The following SGCD variants were observed in gnomAD, a reference collection of about 807,000 sequenced individuals.
SGCD encodes sarcoglycan delta, also known as delta-sarcoglycan.
Under a neutral mutation model 36.6 loss-of-function variants are expected in SGCD, and 18 were observed. The ratio of observed to expected loss-of-function variants is 0.49; its 90% CI spans 0.34 to 0.73. The LOEUF is 0.73. Ranked by LOEUF, SGCD falls within the 30% of genes least tolerant of loss-of-function variation. SGCD has a pLI of 0.01. For missense variants in SGCD, 387 were observed against 346.7 expected (o/e 1.12, Z -0.92); for synonymous variants, 133 against 130.6 (o/e 1.02, Z -0.12).
Position 156,614,049 on chromosome 5 carries a change from C to T in SGCD, c.502+18998C>T, listed in dbSNP as rs754184440. Among the ~76,000 whole-genome samples the T allele has an allele frequency of 3.9e-5, 6 of 152,218 alleles. No individual in the cohort carries two copies. In the East Asian group the frequency reaches 9.7e-4, roughly 25 times the overall value. On this transcript the variant is annotated intron_variant, in intron 6 of 8. Transcript: ENST00000337851. ...GCAACCTTTGCCTCCCAGATTCAAG[C>T]GATTCTTGTGCCTCAGCCTCCTGAG...
At chr5:156,364,064 G>A (rs1024391180) in intron 3 of SGCD, among the ~76,000 whole-genome samples, 1 of 152,148 alleles carries the variant, frequency 6.6e-6, no homozygotes, top group Non-Finnish European at 1.5e-5. Flanking sequence ...GGGAGGTATG[G>A]GCAGCAGAGT....
At chr5:156,627,483 G>T (rs984357321) in intron 6 of SGCD, among the ~76,000 whole-genome samples, 9 of 152,072 alleles carry the variant, frequency 5.9e-5, no homozygotes, top group African/African-American at 2.2e-4. Context: ...AGATTAAAAG[G>T]GAGTCTTTAT....
the SGCD span, among the ~76,000 whole-genome samples, chr5:155,752,561 A>G: frequency 1.3e-4 from 20 of 152,192 alleles, 1 homozygote; most frequent in African/African-American, 4.8e-4. Context: ...CCTTCCAGTT[A>G]CTTCCCCATT....
At chr5:156,075,340 TAA>T (rs1167139020) in intron 1 of SGCD, among the ~76,000 whole-genome samples, 1 of 151,896 alleles carries the variant, frequency 6.6e-6, no homozygotes, top group Non-Finnish European at 1.5e-5. Flanking sequence ...TGAAAAAACT[TAA>T]AAGAGTAAAA....
At chr5:156,608,782 C>G (rs1761619903) in intron 6 of SGCD, among the ~76,000 whole-genome samples, 9 of 152,060 alleles carry the variant, frequency 5.9e-5, no homozygotes, top group Admixed American at 5.9e-4. Flanking sequence ...TGAATTGATC[C>G]CTTTACCATT....
intron 7 of SGCD, among the ~76,000 whole-genome samples, chr5:156,652,284 A>G (rs1472692330): frequency 1.3e-5 from 2 of 151,852 alleles, no homozygotes; most frequent in Non-Finnish European, 2.9e-5. Context: ...AGTCTGAGAC[A>G]AGCCTGGACA....
intron 3 of SGCD, among the ~76,000 whole-genome samples, chr5:156,320,022 T>G (rs182985880): frequency 2.6e-5 from 4 of 152,292 alleles, no homozygotes; most frequent in Non-Finnish European, 5.9e-5. Context: ...CTTTCACATA[T>G]CTAATAAACC....
chr5:156,648,439 G>T (rs1489062151), intron 7 of SGCD, among the ~76,000 whole-genome samples: 1 of 152,042 alleles, frequency 6.6e-6, no homozygotes, highest in Non-Finnish European at 1.5e-5. Context: ...TGCTTAAAAA[G>T]CAAGAGCCAT....
At chr5:156,674,297 G>A (rs998735641) in intron 7 of SGCD, among the ~76,000 whole-genome samples, 31 of 152,260 alleles carry the variant, frequency 2.0e-4, no homozygotes, top group African/African-American at 7.0e-4. Context: ...TCTCTTCCCC[G>A]TTACATATAA....
At chr5:155,885,728 C>T (rs1561638119) in intron 1 of SGCD, among the ~76,000 whole-genome samples, 1 of 152,184 alleles carries the variant, frequency 6.6e-6, no homozygotes, top group Non-Finnish European at 1.5e-5. Flanking sequence ...ATTAGCTTTT[C>T]AAAATCAATG....
chr5:155,904,179 A>G lies in SGCD; in HGVS notation c.-282+33755A>G, dbSNP rs529332175. Among the ~76,000 whole-genome samples the G allele has an allele frequency of 3.9e-5, 6 of 152,296 alleles. No individual in the cohort carries two copies. The East Asian group carries it at 1.2e-3, about 29-fold the overall frequency. ...TCACAAGAGGAGAAGGTTTCCAAAAACATGCTGATATATTGCTGTAGCTGT... is the reference window on the plus strand; with the variant it reads ...TCACAAGAGGAGAAGGTTTCCAAAAGCATGCTGATATATTGCTGTAGCTGT... On this transcript the variant is annotated intron_variant, in intron 1 of 9. Coordinates refer to the SGCD transcript ENST00000517913.
intron 3 of SGCD, among the ~76,000 whole-genome samples, chr5:156,259,943 A>C (rs547968757): frequency 6.6e-6 from 1 of 152,176 alleles, no homozygotes; most frequent in Non-Finnish European, 1.5e-5. Flanking sequence ...CCACAGCTGT[A>C]AGAAATAAAT....
intron 3 of SGCD, among the ~76,000 whole-genome samples, chr5:156,297,779 A>G (rs1766934958): frequency 2.8e-5 from 4 of 143,626 alleles, no homozygotes; most frequent in South Asian, 4.3e-4. Flanking sequence ...CTAAAACTTA[A>G]AGTATAATAA....
chr5:156,397,009 G>T (rs754674166), intron 3 of SGCD, among the ~76,000 whole-genome samples: 11 of 152,128 alleles, frequency 7.2e-5, no homozygotes, highest in Non-Finnish European at 1.2e-4. Flanking sequence ...CAGATATTTT[G>T]GTCTGAGACT....
chr5:155,796,042 A>G, the SGCD span, among the ~76,000 whole-genome samples: 5 of 152,358 alleles, frequency 3.3e-5, no homozygotes, highest in South Asian at 1.0e-3. Context: ...CCTTCTCTAC[A>G]ACCAATAGAA....
chr5:156,045,787 A>T (rs1335857665), intron 1 of SGCD, among the ~76,000 whole-genome samples: 1 of 152,116 alleles, frequency 6.6e-6, no homozygotes, highest in Non-Finnish European at 1.5e-5. Flanking sequence ...AATCCTATCA[A>T]ATCAGGACCC....
At chr5:156,094,554 T>C (rs1365530986) in intron 1 of SGCD, among the ~76,000 whole-genome samples, 1 of 152,192 alleles carries the variant, frequency 6.6e-6, no homozygotes, top group Non-Finnish European at 1.5e-5. Context: ...GTACTTTCTT[T>C]CAGAAGCCAA....
At chr5:156,364,450 G>C (rs554817377) in intron 3 of SGCD, among the ~76,000 whole-genome samples, 2 of 151,970 alleles carry the variant, frequency 1.3e-5, no homozygotes, top group African/African-American at 4.8e-5. Context: ...GGCAGTGCAT[G>C]GCTTATAGGC....
chr5:156,559,976 G>C (rs546656455), intron 4 of SGCD, among the ~76,000 whole-genome samples: 1 of 152,070 alleles, frequency 6.6e-6, no homozygotes, highest in Non-Finnish European at 1.5e-5. Flanking sequence ...CAATGGAAGA[G>C]AAAAAAGGAC....
Sources: allele counts gnomAD v4.1 joint callset (sites outside exome capture counted in the v4.1 genomes callset), GRCh38; gene constraint gnomAD v4.1.1; transcripts MANE v1.5; gene names NCBI Gene and HGNC (gene_info 2026-07-23, HGNC 2026-07-21).